The following GRM8 variants were observed in gnomAD, a reference collection of about 807,000 sequenced individuals.
GRM8 encodes glutamate metabotropic receptor 8, also known as metabotropic glutamate receptor 8.
Under a neutral mutation model 87.2 loss-of-function variants are expected in GRM8, and 47 were observed. The observed-to-expected ratio is 0.54, with a 90% CI of 0.43 to 0.69. The LOEUF (loss-of-function observed/expected upper bound fraction) is 0.69. Among genes scored for constraint, GRM8 ranks in the 30% least tolerant of loss-of-function variants. GRM8 has a pLI of 0.00. For missense variants in GRM8, 1,019 were observed against 1,139.2 expected (o/e 0.89, Z 1.52); for synonymous variants, 396 against 404.5 (o/e 0.98, Z 0.25).
chr7:126,711,219 G>T (rs1811066644), intron 7 of GRM8, among the ~76,000 whole-genome samples: 1 of 152,144 alleles, frequency 6.6e-6, no homozygotes, highest in Non-Finnish European at 1.5e-5. Context: ...AGTAAGACTT[G>T]AAAGTCAAAA....
chr7:127,175,998 T>C (rs187260242), intron 2 of GRM8, among the ~76,000 whole-genome samples: 2 of 152,270 alleles, frequency 1.3e-5, no homozygotes, highest in Admixed American at 1.3e-4. Flanking sequence ...TGGTTGATTA[T>C]AGAATATGAA....
intron 9 of GRM8, among the ~76,000 whole-genome samples, chr7:126,489,594 CCA>C (rs968035750): frequency 1.1e-4 from 17 of 152,042 alleles, no homozygotes; most frequent in Non-Finnish European, 2.1e-4. Context: ...ATACAGGATA[CCA>C]CAAAGAAAGA....
intron 7 of GRM8, among the ~76,000 whole-genome samples, chr7:126,610,952 A>C (rs918803804): frequency 6.6e-6 from 1 of 152,152 alleles, no homozygotes; most frequent in African/African-American, 2.4e-5. Flanking sequence ...GTCCAGGCTC[A>C]CTCCATTCCC....
intron 3 of GRM8, among the ~76,000 whole-genome samples, chr7:126,954,375 T>C (rs528333073): frequency 6.6e-6 from 1 of 152,256 alleles, no homozygotes; most frequent in South Asian, 2.1e-4. Flanking sequence ...TGGAAATAAC[T>C]TCTGGCTCAA....
chr7:126,933,269 G>T (rs1046091851), intron 3 of GRM8, among the ~76,000 whole-genome samples: 2 of 152,220 alleles, frequency 1.3e-5, no homozygotes, highest in African/African-American at 4.8e-5. Flanking sequence ...AAAGCAAGGG[G>T]AGGGCTCCTT....
chr7:126,998,401 G>A (rs1215095099), intron 3 of GRM8, among the ~76,000 whole-genome samples: 1 of 151,642 alleles, frequency 6.6e-6, no homozygotes, highest in Non-Finnish European at 1.5e-5. Flanking sequence ...TAGTACTGAA[G>A]TCCTTCCTAG....
intron 3 of GRM8, among the ~76,000 whole-genome samples, chr7:127,103,665 T>C (rs1414290827): frequency 6.6e-6 from 1 of 152,246 alleles, no homozygotes; most frequent in Non-Finnish European, 1.5e-5. Flanking sequence ...TGTGTCTATG[T>C]CAAACCTTCC....
chr7:126,721,765 T>G (rs1394928739), intron 7 of GRM8, among the ~76,000 whole-genome samples: 1 of 152,096 alleles, frequency 6.6e-6, no homozygotes, highest in East Asian at 1.9e-4. Flanking sequence ...TAAACTGTAC[T>G]GTCGAAAACT....
chr7:126,880,294 G>A (rs781655296), intron 6 of GRM8, among the ~76,000 whole-genome samples: 19 of 152,180 alleles, frequency 1.2e-4, no homozygotes, highest in East Asian at 1.9e-4. Context: ...CAATGATTTC[G>A]CTTTTATAGG....
At chr7:126,765,333 G>A (rs888161373) in intron 7 of GRM8, among the ~76,000 whole-genome samples, 5 of 151,862 alleles carry the variant, frequency 3.3e-5, no homozygotes, top group South Asian at 2.1e-4. Flanking sequence ...TTCTATTCCC[G>A]CTATGCGGTT....
rs555503663 is a variant in GRM8, at chr7:127,205,400, C to T, written c.510+37295G>A. 2.6e-5 allele frequency among the ~76,000 whole-genome samples: 4 copies of T among 152,184 alleles called. No homozygotes were observed. The South Asian group carries it at 8.3e-4, about 32-fold the overall frequency. On this transcript the variant is annotated intron_variant, in intron 2 of 10. Transcript: ENST00000339582. The stretch of plus-strand genomic sequence containing the variant: ...CCTGAATTACCAAGACTCGGGCTTT[C>T]TTTGAAGCCTTCCCCAGCCAATTTG...
chr7:126,551,764 A>G (rs565912275), intron 8 of GRM8, among the ~76,000 whole-genome samples: 2 of 152,124 alleles, frequency 1.3e-5, no homozygotes, highest in Admixed American at 6.5e-5. Flanking sequence ...GACTACCACA[A>G]AGGGAACGTA....
At chr7:126,703,510 C>A (rs933941292) in intron 7 of GRM8, among the ~76,000 whole-genome samples, 1 of 152,110 alleles carries the variant, frequency 6.6e-6, no homozygotes, top group African/African-American at 2.4e-5. Context: ...AGGGTCAAGA[C>A]GTTTTAACAT....
intron 6 of GRM8, among the ~76,000 whole-genome samples, chr7:126,886,589 G>C (rs140817119): frequency 0.014 from 2,063 of 152,182 alleles, 43 homozygotes; most frequent in African/African-American, 0.047. Context: ...ATTAATTTCT[G>C]AACAGGCTAC....
chr7:126,476,256 T>C (rs1805894995), intron 9 of GRM8, among the ~76,000 whole-genome samples: 1 of 151,938 alleles, frequency 6.6e-6, no homozygotes, highest in Non-Finnish European at 1.5e-5. Flanking sequence ...TCTCTAAAAA[T>C]ATGAAAATAA....
intron 6 of GRM8, among the ~76,000 whole-genome samples, chr7:126,872,167 C>A (rs971501017): frequency 1.1e-4 from 17 of 152,152 alleles, no homozygotes; most frequent in African/African-American, 3.9e-4. Flanking sequence ...AGGGACTCTG[C>A]TGTTCTCAGG....
intron 7 of GRM8, among the ~76,000 whole-genome samples, chr7:126,733,504 T>C (rs2151488037): frequency 6.6e-6 from 1 of 150,996 alleles, no homozygotes; most frequent in South Asian, 2.1e-4. Flanking sequence ...AAGTCTCATT[T>C]ATAAATATTA....
intron 9 of GRM8, among the ~76,000 whole-genome samples, chr7:126,475,919 A>G (rs1443141720): frequency 1.3e-5 from 2 of 152,192 alleles, no homozygotes; most frequent in East Asian, 3.9e-4. Flanking sequence ...ATGAAAAATA[A>G]TGAAATTGAA....
chr7:127,098,438 C>A (rs1016320839), intron 3 of GRM8, among the ~76,000 whole-genome samples: 15 of 152,106 alleles, frequency 9.9e-5, no homozygotes, highest in African/African-American at 3.6e-4. Flanking sequence ...TTACCAGAAA[C>A]TTGCTTCTTG....
Sources: allele counts gnomAD v4.1 joint callset (sites outside exome capture counted in the v4.1 genomes callset), GRCh38; gene constraint gnomAD v4.1.1; transcripts MANE v1.5; gene names NCBI Gene and HGNC (gene_info 2026-07-23, HGNC 2026-07-21).